Variants in PACRGL observed in about 807,000 individuals in gnomAD.
PACRGL encodes PACRG-like protein.
PACRGL carries 38 observed loss-of-function variants against 34.5 expected under a neutral mutation model. The observed-to-expected ratio is 1.10, with a 90% confidence interval of 0.85 to 1.44. The LOEUF (loss-of-function observed/expected upper bound fraction) is 1.44, where lower values mean the gene tolerates loss of function less well. PACRGL is among the 40% of genes most tolerant of loss of function. PACRGL has a pLI of 0.00. For synonymous variants in PACRGL, 128 were observed against 100.1 expected (o/e 1.28, Z -1.66); for missense variants, 305 against 281.4 (o/e 1.08, Z -0.60).
intron 4 of PACRGL, 87 bp downstream of exon 4, chr4:20,707,957 GT>G: frequency 9.7e-7 from 1 of 1,032,032 alleles, no homozygotes; most frequent in Non-Finnish European, 1.5e-6. Context: ...TGTATTGTAA[GT>G]TTTATTTACT....
intron 8 of PACRGL, among the ~76,000 whole-genome samples, chr4:20,744,264 C>T (rs999916042): frequency 3.3e-5 from 5 of 152,160 alleles, no homozygotes; most frequent in Non-Finnish European, 5.9e-5. Context: ...ACTGGGTATA[C>T]ACCCAAAGGA....
intron 8 of PACRGL, among the ~76,000 whole-genome samples, chr4:20,726,040 A>C (rs1377319950): frequency 6.6e-6 from 1 of 152,094 alleles, no homozygotes; most frequent in East Asian, 1.9e-4. Flanking sequence ...ATGCTAAATA[A>C]TGATGCCACA....
chr4:20,738,293 A>G (rs1468872773), intron 8 of PACRGL, among the ~76,000 whole-genome samples: 1 of 152,190 alleles, frequency 6.6e-6, no homozygotes, highest in African/African-American at 2.4e-5. Context: ...CGTAGTAATA[A>G]TATGTCATTA....
chr4:20,764,144 C>T, the PACRGL span, among the ~76,000 whole-genome samples: 1 of 151,904 alleles, frequency 6.6e-6, no homozygotes, highest in Non-Finnish European at 1.5e-5. Flanking sequence ...GAAATTTTGT[C>T]TGATTATTAG....
chr4:20,746,749 A>T (rs1360101593), intron 8 of PACRGL, among the ~76,000 whole-genome samples: 2 of 152,142 alleles, frequency 1.3e-5, no homozygotes, highest in Non-Finnish European at 2.9e-5. Context: ...GGGTGGCAAA[A>T]TGGAGATTAG....
In PACRGL at chr4:20,731,877, A is replaced by G. The variant is rs1748338797; in HGVS notation, c.*4536A>G. ...TTTCAGAGTGGTAGGCTTATGCTGC[A>G]TGTTGTAGAAGTGGTAAACTTAGGC... On this transcript the variant is annotated 3_prime_UTR_variant, in exon 9 of 9. Coordinates refer to ENST00000503585, the MANE Select transcript of PACRGL (RefSeq NM_001258345.3). 4 of 1,451,562 alleles carry G rather than the reference A, an allele frequency of 2.8e-6. No homozygotes were observed. Among genetic ancestry groups the G allele is most frequent in the Non-Finnish European group, 3.6e-6 (4 of 1,101,390 alleles). The allele number at this position is 1,451,562 out of a possible 1,614,324, so 89.9% of individuals were successfully genotyped here.
the PACRGL span, among the ~76,000 whole-genome samples, chr4:20,762,690 G>A: frequency 3.5e-3 from 534 of 152,298 alleles, 5 homozygotes; most frequent in African/African-American, 0.012. Context: ...TGTAAAATTA[G>A]GCCTTCAAAT....
At chr4:20,704,953 T>C (rs1257968313) in intron 3 of PACRGL, 139 bp downstream of exon 3, 3 of 970,892 alleles carry the variant, frequency 3.1e-6, no homozygotes, top group African/African-American at 1.6e-5. Context: ...GTGGTTATTA[T>C]GATGAAGAAC....
chr4:20,703,438 A>T (rs1303899047), intron 1 of PACRGL, among the ~76,000 whole-genome samples: 1 of 151,712 alleles, frequency 6.6e-6, no homozygotes, highest in East Asian at 1.9e-4. Flanking sequence ...TTGGGAATGA[A>T]GCTTGGCCTA....
At chr4:20,708,426 AT>A (rs2149072873) in intron 4 of PACRGL, among the ~76,000 whole-genome samples, 1 of 151,962 alleles carries the variant, frequency 6.6e-6, no homozygotes, top group African/African-American at 2.4e-5. Context: ...TTTTATTTTG[AT>A]TATGGAAATA....
the PACRGL span, among the ~76,000 whole-genome samples, chr4:20,762,252 C>A: frequency 6.6e-6 from 1 of 152,102 alleles, no homozygotes; most frequent in African/African-American, 2.4e-5. Flanking sequence ...TAAAAGGACA[C>A]TTATCTAATT....
downstream of PACRGL, among the ~76,000 whole-genome samples, chr4:20,753,351 A>G (rs1469712510): frequency 2.6e-5 from 4 of 152,172 alleles, no homozygotes; most frequent in African/African-American, 9.7e-5. Context: ...TTATAGAGGA[A>G]CAACTTGAGG....
chr4:20,722,610 C>T (rs772827573), intron 7 of PACRGL, among the ~76,000 whole-genome samples: 17 of 152,140 alleles, frequency 1.1e-4, no homozygotes, highest in Non-Finnish European at 2.2e-4. Flanking sequence ...GACTGCCTGC[C>T]TGTGTGGTTG....
At chr4:20,716,144 T>C in intron 7 of PACRGL, 3 of 1,469,294 alleles carry the variant, frequency 2.0e-6, no homozygotes, top group Non-Finnish European at 2.8e-6. Flanking sequence ...AGACCACTCT[T>C]AGGTTTGATG....
intron 7 of PACRGL, among the ~76,000 whole-genome samples, chr4:20,716,554 A>G (rs1315017156): frequency 1.3e-5 from 2 of 152,058 alleles, no homozygotes; most frequent in African/African-American, 2.4e-5. Flanking sequence ...TCATTGTTCA[A>G]TTCCCACCTA....
chr4:20,727,181 T>C (rs1019784722), intron 8 of PACRGL, 104 bp from the exon 9 acceptor site: 13 of 978,042 alleles, frequency 1.3e-5, no homozygotes, highest in African/African-American at 1.6e-5. Flanking sequence ...TTACCCCTTT[T>C]TGTTTGAGTT....
In PACRGL at chr4:20,731,719, T is replaced by G; in HGVS notation, c.*4378T>G. 1 of 985,154 alleles carries G rather than the reference T, an allele frequency of 1.0e-6. No homozygotes were observed. Among genetic ancestry groups the G allele is most frequent in the South Asian group, 4.7e-5 (1 of 21,280 alleles). 61.0% of individuals were successfully genotyped at this position (985,154 alleles called of 1,614,324 possible). A position where few individuals can be genotyped will look rare whatever the true frequency, so the allele number is the denominator to read the frequency against. ...GAGCAATTCAAATCTCATGTATGTT[T>G]TATCCTCCATGAATACTCTCTAAGG... On this transcript the variant is annotated 3_prime_UTR_variant, in exon 9 of 9. Transcript: ENST00000503585.
chr4:20,721,191 CCT>C (rs1742953154), intron 7 of PACRGL, among the ~76,000 whole-genome samples: 1 of 152,084 alleles, frequency 6.6e-6, no homozygotes, highest in African/African-American at 2.4e-5. Context: ...CATTTAAGGT[CCT>C]CTCTACACTG....
chr4:20,761,306 C>T, the PACRGL span, among the ~76,000 whole-genome samples: 1 of 152,302 alleles, frequency 6.6e-6, no homozygotes, highest in Admixed American at 6.5e-5. Flanking sequence ...TATACTCACA[C>T]ATCCTATTAG....
Sources: allele counts gnomAD v4.1 joint callset (sites outside exome capture counted in the v4.1 genomes callset), GRCh38; gene constraint gnomAD v4.1.1; transcripts MANE v1.5; gene names NCBI Gene and HGNC (gene_info 2026-07-23, HGNC 2026-07-21).